Variants in LRRC4C observed in about 807,000 individuals in gnomAD.
LRRC4C encodes the protein leucine-rich repeat-containing protein 4C.
In LRRC4C, 5 loss-of-function variants were observed where a neutral mutation model predicts 33.6. That is an observed-to-expected ratio of 0.15 (90% CI 0.08 to 0.31). LRRC4C has a LOEUF of 0.31. Ranked by LOEUF, LRRC4C falls within the 10% of genes least tolerant of loss-of-function variation. The pLI is 1.00. For missense variants in LRRC4C, 560 were observed against 796.7 expected (o/e 0.70, Z 3.58); for synonymous variants, 329 against 302.0 (o/e 1.09, Z -0.93).
intron 3 of LRRC4C, among the ~76,000 whole-genome samples, chr11:40,602,446 T>A (rs1960113018): frequency 6.6e-6 from 1 of 152,098 alleles, no homozygotes; most frequent in South Asian, 2.1e-4. Flanking sequence ...TAATTGCTAA[T>A]GTCCCAAAAG....
At chr11:40,185,419 C>G (rs1861330023) in intron 5 of LRRC4C, among the ~76,000 whole-genome samples, 1 of 152,114 alleles carries the variant, frequency 6.6e-6, no homozygotes, top group African/African-American at 2.4e-5. Context: ...CACCCCCAAC[C>G]ACAACCTTTC....
chr11:40,867,564 A>T (rs1425547277), intron 2 of LRRC4C, among the ~76,000 whole-genome samples: 11 of 152,214 alleles, frequency 7.2e-5, no homozygotes, highest in Admixed American at 7.2e-4. Context: ...GGGGGGAAAA[A>T]AGAAGCAAGT....
At chr11:40,401,142 GGT>G (rs1033428414) in intron 3 of LRRC4C, among the ~76,000 whole-genome samples, 1 of 151,332 alleles carries the variant, frequency 6.6e-6, no homozygotes, top group Non-Finnish European at 1.5e-5. Context: ...CAGCACACAT[GGT>G]GAGCAGGAAT....
At chr11:40,778,352 GT>G (rs1387208206) in intron 2 of LRRC4C, among the ~76,000 whole-genome samples, 1 of 152,176 alleles carries the variant, frequency 6.6e-6, no homozygotes, top group Admixed American at 6.5e-5. Context: ...TATTAACTCA[GT>G]TAATCATTAT....
intron 2 of LRRC4C, among the ~76,000 whole-genome samples, chr11:40,878,764 A>G (rs1955035978): frequency 1.3e-5 from 2 of 152,202 alleles, no homozygotes; most frequent in South Asian, 2.1e-4. Context: ...ATATCAGATT[A>G]TTAGCACTGC....
intron 3 of LRRC4C, among the ~76,000 whole-genome samples, chr11:40,437,405 T>C (rs943032834): frequency 1.3e-5 from 2 of 151,988 alleles, no homozygotes; most frequent in Non-Finnish European, 2.9e-5. Context: ...TTCTTTTTTT[T>C]TTTTTGGAGA....
intron 1 of LRRC4C, among the ~76,000 whole-genome samples, chr11:41,104,016 A>G (rs1941352231): frequency 6.6e-6 from 1 of 151,944 alleles, no homozygotes; most frequent in African/African-American, 2.4e-5. Context: ...TTACAAGAAA[A>G]TATAGGATCA....
chr11:40,745,153 C>G (rs572788602), intron 2 of LRRC4C, among the ~76,000 whole-genome samples: 5 of 152,120 alleles, frequency 3.3e-5, no homozygotes, highest in African/African-American at 1.2e-4. Context: ...AATGGCGATA[C>G]GCAGAAAGCA....
chr11:41,254,235 C>T (rs950682139), intron 1 of LRRC4C, among the ~76,000 whole-genome samples: 2 of 151,996 alleles, frequency 1.3e-5, no homozygotes, highest in South Asian at 2.1e-4. Flanking sequence ...GTACATGTGC[C>T]TGGTTTGTAC....
chr11:40,453,231 A>G (rs1235565125), intron 3 of LRRC4C, among the ~76,000 whole-genome samples: 1 of 152,206 alleles, frequency 6.6e-6, no homozygotes, highest in Non-Finnish European at 1.5e-5. Context: ...TGGAGCCAGC[A>G]TGGGCAAATA....
intron 5 of LRRC4C, among the ~76,000 whole-genome samples, chr11:40,225,885 C>T (rs1217150151): frequency 6.6e-6 from 1 of 152,208 alleles, no homozygotes; most frequent in East Asian, 1.9e-4. Context: ...TCCCAAAGGG[C>T]TGGGATTACA....
intron 1 of LRRC4C, among the ~76,000 whole-genome samples, chr11:41,143,652 C>T (rs565057087): frequency 8.3e-4 from 127 of 152,274 alleles, no homozygotes; most frequent in African/African-American, 2.8e-3. Flanking sequence ...GTTCTCGATC[C>T]TAGCTACAAT....
intron 5 of LRRC4C, among the ~76,000 whole-genome samples, chr11:40,198,073 G>A (rs765649460): frequency 1.2e-4 from 18 of 152,180 alleles, no homozygotes; most frequent in Admixed American, 1.3e-4. Flanking sequence ...AGATATGGCA[G>A]CAGTGGAGAT....
intron 1 of LRRC4C, among the ~76,000 whole-genome samples, chr11:41,291,849 G>A (rs1004758892): frequency 6.6e-6 from 1 of 152,124 alleles, no homozygotes; most frequent in Non-Finnish European, 1.5e-5. Context: ...GCAAGGCAAA[G>A]GTTTGCATAC....
Position 40,819,495 on chromosome 11 carries a change from T to C in LRRC4C, c.-407+114140A>G, listed in dbSNP as rs1951836847. Among the ~76,000 whole-genome samples the C allele has an allele frequency of 5.9e-5, 9 of 152,146 alleles. 1 individual carries two copies. Among genetic ancestry groups the C allele is most frequent in the Admixed American group, 5.9e-4 (9 of 15,254 alleles). On this transcript the variant is annotated intron_variant, in intron 2 of 6. Coordinates refer to ENST00000528697, the MANE Select transcript of LRRC4C (RefSeq NM_001258419.2). ...TTGTTGTAGTTGATGTTGGCAGCAATGCCCACAAAGCCTATTGGTGTTGTT... is the reference window on the plus strand; with the variant it reads ...TTGTTGTAGTTGATGTTGGCAGCAACGCCCACAAAGCCTATTGGTGTTGTT...
At chr11:41,409,155 G>C (rs1340891528) in intron 1 of LRRC4C, among the ~76,000 whole-genome samples, 1 of 152,060 alleles carries the variant, frequency 6.6e-6, no homozygotes, top group Non-Finnish European at 1.5e-5. Flanking sequence ...AAGATATTCA[G>C]GGGCAACCTC....
chr11:40,876,776 G>T (rs1022454628), intron 2 of LRRC4C, among the ~76,000 whole-genome samples: 1 of 151,756 alleles, frequency 6.6e-6, no homozygotes, highest in Non-Finnish European at 1.5e-5. Context: ...GGTGGCAGGA[G>T]ACTGTAGTCT....
chr11:41,245,072 G>A (rs1481573183), intron 1 of LRRC4C, among the ~76,000 whole-genome samples: 2 of 152,168 alleles, frequency 1.3e-5, no homozygotes, highest in Non-Finnish European at 2.9e-5. Flanking sequence ...CGTTGGTTAT[G>A]TTGCTCATCT....
At chr11:41,231,829 G>T (rs1192221514) in intron 1 of LRRC4C, among the ~76,000 whole-genome samples, 2 of 151,480 alleles carry the variant, frequency 1.3e-5, no homozygotes, top group Non-Finnish European at 2.9e-5. Context: ...ACACATATAT[G>T]TATATATATA....
Sources: gnomAD v4.1 joint callset for allele counts (sites outside exome capture counted in the v4.1 genomes callset) on GRCh38, gnomAD v4.1.1 for gene constraint, MANE v1.5 for transcripts, NCBI Gene and HGNC (gene_info 2026-07-23, HGNC 2026-07-21) for gene names.